Variants in EYS observed in about 807,000 individuals in gnomAD.
EYS encodes the protein protein eyes shut homolog.
Under a neutral mutation model 282.1 loss-of-function variants are expected in EYS, and 250 were observed. The observed-to-expected ratio is 0.89, with a 90% CI of 0.80 to 0.98. The LOEUF (loss-of-function observed/expected upper bound fraction) is 0.98, where lower values mean the gene tolerates loss of function less well. EYS is among the 50% of genes least tolerant of loss of function. The probability of loss-of-function intolerance (pLI) is 0.00; values close to 1 mark genes in which losing one functional copy is unlikely to be tolerated. For synonymous variants in EYS, 1,355 were observed against 1,282.9 expected (o/e 1.06, Z -1.20); for missense variants, 4,016 against 3,709.0 (o/e 1.08, Z -2.15).
intron 14 of EYS, among the ~76,000 whole-genome samples, chr6:64,977,416 A>G (rs1770505203): frequency 1.3e-5 from 2 of 151,948 alleles, no homozygotes; most frequent in Non-Finnish European, 2.9e-5. Context: ...GACTACTTCA[A>G]CAACTGGCTG....
At chr6:64,279,743 G>A (rs1289287859) in intron 30 of EYS, among the ~76,000 whole-genome samples, 1 of 152,148 alleles carries the variant, frequency 6.6e-6, no homozygotes, top group African/African-American at 2.4e-5. Context: ...ACACAGAGAA[G>A]CAGCCTGTTG....
chr6:65,245,895 CA>C (rs1271261820), intron 12 of EYS, among the ~76,000 whole-genome samples: 1 of 151,968 alleles, frequency 6.6e-6, no homozygotes, highest in Non-Finnish European at 1.5e-5. Flanking sequence ...ATCTATTTAA[CA>C]ATATAATTTA....
intron 31 of EYS, among the ~76,000 whole-genome samples, chr6:64,125,160 C>G (rs924183331): frequency 3.3e-5 from 5 of 151,168 alleles, no homozygotes; most frequent in African/African-American, 4.9e-5. Flanking sequence ...CTCTGTCTCT[C>G]TCTCTCTCTC....
At chr6:63,927,578 G>A (rs1453708638) in intron 35 of EYS, among the ~76,000 whole-genome samples, 1 of 152,108 alleles carries the variant, frequency 6.6e-6, no homozygotes, top group Non-Finnish European at 1.5e-5. Context: ...TTTTTGAGAT[G>A]GCACTTTTTA....
At chr6:64,707,542 G>A (rs1377629905) in intron 22 of EYS, among the ~76,000 whole-genome samples, 4 of 151,822 alleles carry the variant, frequency 2.6e-5, no homozygotes, top group Admixed American at 6.6e-5. Flanking sequence ...GGTGGCGGGC[G>A]CCTGTAGTCC....
At chr6:64,066,747 G>T (rs1422447946) in intron 32 of EYS, among the ~76,000 whole-genome samples, 1 of 152,098 alleles carries the variant, frequency 6.6e-6, no homozygotes, top group East Asian at 1.9e-4. Flanking sequence ...GTAGCTAGAT[G>T]TCCTTAACTA....
chr6:65,278,516 C>A (rs1275186099), intron 12 of EYS, among the ~76,000 whole-genome samples: 2 of 151,514 alleles, frequency 1.3e-5, no homozygotes, highest in Admixed American at 6.6e-5. Context: ...TTGCTGCAAT[C>A]TTTTTGGATA....
At chr6:64,086,316 C>T (rs768985404) in intron 31 of EYS, among the ~76,000 whole-genome samples, 4 of 152,196 alleles carry the variant, frequency 2.6e-5, no homozygotes, top group Non-Finnish European at 5.9e-5. Context: ...TGAACTGTTG[C>T]AGTGGCTTCT....
chr6:63,726,205 T>C (rs1272005348), intron 42 of EYS, among the ~76,000 whole-genome samples: 1 of 152,168 alleles, frequency 6.6e-6, no homozygotes, highest in African/African-American at 2.4e-5. Flanking sequence ...TTAAAAAATC[T>C]TTTATATGCA....
intron 11 of EYS, among the ~76,000 whole-genome samples, chr6:65,298,416 T>C (rs1768724514): frequency 6.6e-6 from 1 of 152,036 alleles, no homozygotes; most frequent in South Asian, 2.1e-4. Flanking sequence ...ACTAGGAATC[T>C]GCATTTGGCC....
intron 29 of EYS, among the ~76,000 whole-genome samples, chr6:64,335,683 C>CTTAGTTAAGATTCAAAGGAAGAAT (rs1770823840): frequency 6.6e-6 from 1 of 151,958 alleles, no homozygotes; most frequent in Non-Finnish European, 1.5e-5. Context: ...ATCAGGTTAT[C>CTTAGTTAAGATTCAAAGGAAGAAT]CAAAGTTAAG....
intron 22 of EYS, among the ~76,000 whole-genome samples, chr6:64,640,260 A>T (rs1317235150): frequency 5.5e-5 from 8 of 144,352 alleles, no homozygotes; most frequent in Admixed American, 1.4e-4. Context: ...CTATAAAGAC[A>T]CATGCACATG....
intron 29 of EYS, among the ~76,000 whole-genome samples, chr6:64,341,747 T>G (rs1771122249): frequency 6.6e-6 from 1 of 151,722 alleles, no homozygotes; most frequent in Non-Finnish European, 1.5e-5. Context: ...CTTCCTTTCC[T>G]TTATCTTTCA....
At chr6:63,857,743 A>C in intron 36 of EYS, 1 of 357,650 alleles carries the variant, frequency 2.8e-6, no homozygotes, top group Non-Finnish European at 5.7e-6. Flanking sequence ...AGCATCTGAG[A>C]CATAAAACTT....
intron 31 of EYS, among the ~76,000 whole-genome samples, chr6:64,125,048 T>C (rs916055686): frequency 6.6e-6 from 1 of 152,182 alleles, no homozygotes; most frequent in Non-Finnish European, 1.5e-5. Context: ...GATCAAAATT[T>C]AAATATAGTT....
At chr6:65,139,687 C>A (rs955679188) in intron 12 of EYS, among the ~76,000 whole-genome samples, 16 of 152,174 alleles carry the variant, frequency 1.1e-4, no homozygotes, top group African/African-American at 3.9e-4. Context: ...TGCACTCCTC[C>A]CGTTCTTAGC....
chr6:65,035,054 C>T (rs1772725065), intron 13 of EYS, among the ~76,000 whole-genome samples: 1 of 152,114 alleles, frequency 6.6e-6, no homozygotes, highest in African/African-American at 2.4e-5. Context: ...ATGGTTTGTT[C>T]AACATATGCC....
intron 12 of EYS, among the ~76,000 whole-genome samples, chr6:65,243,417 G>T (rs990294471): frequency 6.6e-6 from 1 of 152,138 alleles, no homozygotes; most frequent in African/African-American, 2.4e-5. Context: ...TAGGAGTTGG[G>T]GGGTGAAGGA....
At chr6:65,371,932 A>G (rs1230558453) in intron 8 of EYS, among the ~76,000 whole-genome samples, 1 of 151,676 alleles carries the variant, frequency 6.6e-6, no homozygotes, top group Non-Finnish European at 1.5e-5. Flanking sequence ...ATGGAATTCT[A>G]ATTCGAGCTT....
Sources: gnomAD v4.1 joint callset for allele counts (sites outside exome capture counted in the v4.1 genomes callset) on GRCh38, gnomAD v4.1.1 for gene constraint, MANE v1.5 for transcripts, NCBI Gene and HGNC (gene_info 2026-07-23, HGNC 2026-07-21) for gene names.